Variants in NPFFR1 observed in about 807,000 individuals in gnomAD.
NPFFR1 encodes neuropeptide FF receptor 1.
NPFFR1 carries 17 observed loss-of-function variants against 12.7 expected under a neutral mutation model. The observed-to-expected ratio is 1.34, with a 90% confidence interval of 0.92 to 2.01. The LOEUF (loss-of-function observed/expected upper bound fraction) is 2.01, where lower values mean the gene tolerates loss of function less well. NPFFR1 is among the 30% of genes most tolerant of loss of function. NPFFR1 has a pLI of 0.00. For missense variants in NPFFR1, 604 were observed against 606.5 expected, an observed-to-expected ratio of 1.00 and a Z score of 0.04; for synonymous variants, 296 against 264.5, an observed-to-expected ratio of 1.12 and a Z score of -1.16.
intron 1 of NPFFR1, among the ~76,000 whole-genome samples, chr10:70,281,498 T>C (rs986542750): frequency 6.6e-6 from 1 of 152,156 alleles, no homozygotes. Flanking sequence ...ACTCCCTATA[T>C]CCAAGCTCTT....
intron 1 of NPFFR1, among the ~76,000 whole-genome samples, chr10:70,270,783 G>T (rs1589914327): frequency 6.6e-6 from 1 of 152,180 alleles, no homozygotes; most frequent in Admixed American, 6.5e-5. Context: ...GATCTGCCAG[G>T]TGCCCTTGTA....
At chr10:70,268,429 C>A (rs898301164) in intron 1 of NPFFR1, among the ~76,000 whole-genome samples, 3 of 151,804 alleles carry the variant, frequency 2.0e-5, no homozygotes, top group African/African-American at 7.3e-5. Context: ...AGCAAGATTT[C>A]TGTTTCTATT....
Position 70,254,812 on chromosome 10 carries a change from A to G in NPFFR1, c.*145T>C, listed in dbSNP as rs1022931116. 9.2e-6 allele frequency: 9 copies of G among 977,044 alleles called. No homozygotes were observed. In the Admixed American group the frequency reaches 2.4e-4, roughly 26 times the overall value. 60.5% of individuals were successfully genotyped at this position (977,044 alleles called of 1,614,324 possible). A position where few individuals can be genotyped will look rare whatever the true frequency, so the allele number is the denominator to read the frequency against. On this transcript the variant is annotated 3_prime_UTR_variant, in exon 4 of 4. Transcript: ENST00000277942. Reference sequence around the variant, plus strand: ...TGAGGGTGAAGGCAGCAGAGAAGACATCACCAGCAGCTGCCCACCACTGCC... The same window carrying G: ...TGAGGGTGAAGGCAGCAGAGAAGACGTCACCAGCAGCTGCCCACCACTGCC...
intron 1 of NPFFR1, among the ~76,000 whole-genome samples, chr10:70,280,207 C>G (rs1840844765): frequency 1.3e-5 from 2 of 152,192 alleles, no homozygotes; most frequent in Non-Finnish European, 2.9e-5. Flanking sequence ...AACATCTCTT[C>G]AAGTAACTCA....
intron 1 of NPFFR1, among the ~76,000 whole-genome samples, chr10:70,282,018 C>A (rs2894115): frequency 0.24 from 37,246 of 152,088 alleles, 5,662 homozygotes; most frequent in South Asian, 0.43. Context: ...TTATATTTCC[C>A]TTTTTTGAAA....
chr10:70,278,673 C>T (rs60559148), intron 1 of NPFFR1, among the ~76,000 whole-genome samples: 13,502 of 152,188 alleles, frequency 0.089, 687 homozygotes, highest in Middle Eastern at 0.18. Context: ...AATCAATTCA[C>T]GAGTTTTTTC....
At chr10:70,275,941 T>C (rs1589915931) in intron 1 of NPFFR1, among the ~76,000 whole-genome samples, 1 of 152,164 alleles carries the variant, frequency 6.6e-6, no homozygotes, top group African/African-American at 2.4e-5. Context: ...ACCTCCAGAT[T>C]TTGCTGGGCT....
chr10:70,272,244 G>GAAAGAGAAAGA (rs60571634), intron 1 of NPFFR1, among the ~76,000 whole-genome samples: 1 of 64,406 alleles, frequency 1.6e-5, no homozygotes, highest in Admixed American at 1.7e-4. Flanking sequence ...AAGAAAGAAA[G>GAAAGAGAAAGA]AAGAAAGAAG....
chr10:70,264,468 C>A (rs1840669334), intron 2 of NPFFR1, among the ~76,000 whole-genome samples: 1 of 149,844 alleles, frequency 6.7e-6, no homozygotes, highest in Non-Finnish European at 1.5e-5. Flanking sequence ...AAATACAAAT[C>A]AAAATAAATT....
chr10:70,269,722 G>A lies in NPFFR1; in HGVS notation c.8-3331C>T, dbSNP rs1381120454. Among the ~76,000 whole-genome samples, 4 of 152,166 alleles carry A rather than the reference G, an allele frequency of 2.6e-5. No individual in the cohort carries two copies. In the South Asian group the frequency reaches 8.3e-4, roughly 32 times the overall value. On this transcript the variant is annotated intron_variant, in intron 1 of 3. Transcript: ENST00000277942. ...GACAGTGTTTCACCATGTTGGCCAG[G>A]CTAGTCTCAAACTCCTGACCACAGG...
rs748518408 is a variant in NPFFR1, at chr10:70,247,580, C to T, written c.*7377G>A. The T allele has an allele frequency of 6.6e-6, 1 of 152,128 alleles. No individual in the cohort carries two copies. The highest frequency in any genetic ancestry group is 1.5e-5 in the Non-Finnish European group (1 of 68,040). 9.4% of individuals were successfully genotyped at this position (152,128 alleles called of 1,614,324 possible). A position where few individuals can be genotyped will look rare whatever the true frequency, so the allele number is the denominator to read the frequency against. On this transcript the variant is annotated 3_prime_UTR_variant, in exon 4 of 4. Transcript: ENST00000277942. ...GACTTGGCTGTTCTAACTTCCACAC[C>T]GAAAGGAAGACAGGGTGGTGATGGG... is the stretch of plus-strand genomic sequence containing the variant.
At chr10:70,263,758 A>G (rs573331089) in intron 2 of NPFFR1, among the ~76,000 whole-genome samples, 2 of 152,124 alleles carry the variant, frequency 1.3e-5, no homozygotes, top group South Asian at 4.1e-4. Flanking sequence ...GAATGATTCA[A>G]CCTTCTGTAT....
At position 70,254,985 on chromosome 10, in the gene NPFFR1, G is replaced by T; in HGVS notation, c.1265C>A (p.Pro422His). 1 of 1,443,764 alleles carries T rather than the reference G, an allele frequency of 6.9e-7. No homozygotes were observed. The highest frequency in any genetic ancestry group is 9.0e-7 in the Non-Finnish European group (1 of 1,105,538). The allele number at this position is 1,443,764 out of a possible 1,614,324, so 89.4% of individuals were successfully genotyped here. A position where few individuals can be genotyped will look rare whatever the true frequency, so the allele number is the denominator to read the frequency against. ...PREGPGCSHL[P>H]LTIPAWDI is the part of the protein sequence containing the mutation. ...GATATCCCAGGCTGGAATGGTGAGGGGCAGGTGGGAGCAGCCAGGCCCTTC... is the reference window on the plus strand; with the variant it reads ...GATATCCCAGGCTGGAATGGTGAGGTGCAGGTGGGAGCAGCCAGGCCCTTC... Residue 422 changes from proline (P) to histidine (H), a missense_variant, in exon 4 of 4, where the codon CCC (proline) becomes CAC (histidine). Coordinates refer to ENST00000277942, the MANE Select transcript of NPFFR1 (RefSeq NM_022146.5).
At chr10:70,256,521 G>A (rs1376373197) in intron 3 of NPFFR1, among the ~76,000 whole-genome samples, 1 of 152,226 alleles carries the variant, frequency 6.6e-6, no homozygotes, top group Non-Finnish European at 1.5e-5. Flanking sequence ...AACCTCAGGA[G>A]GTCAGATGTA....
chr10:70,257,178 T>C (rs1840581111), intron 3 of NPFFR1, among the ~76,000 whole-genome samples: 1 of 152,322 alleles, frequency 6.6e-6, no homozygotes, highest in Non-Finnish European at 1.5e-5. Context: ...GGATAATCAC[T>C]TGAGTCCAGG....
At chr10:70,262,065 A>G (rs748046898) in intron 2 of NPFFR1, among the ~76,000 whole-genome samples, 1 of 152,358 alleles carries the variant, frequency 6.6e-6, no homozygotes, top group South Asian at 2.1e-4. Flanking sequence ...GAATAATGAG[A>G]TTAGCTATCC....
chr10:70,269,484 C>T lies in NPFFR1; in HGVS notation c.8-3093G>A, dbSNP rs187561668. On this transcript the variant is annotated intron_variant, in intron 1 of 3. Coordinates refer to ENST00000277942, the MANE Select transcript of NPFFR1 (RefSeq NM_022146.5). ...TTTAACATAATATTTTCAGCAGACA[C>T]TAAGGATTATTGCCTAGACTCCCCA... Among the ~76,000 whole-genome samples, 7 of 151,530 alleles carry T rather than the reference C, an allele frequency of 4.6e-5. 1 individual carries two copies. The South Asian group carries it at 6.3e-4, about 14-fold the overall frequency.
In NPFFR1 at chr10:70,255,346, G is replaced by A. The variant is rs1320247335; in HGVS notation, c.904C>T (p.Gln302Ter). 3.2e-6 allele frequency: 5 copies of A among 1,569,160 alleles called. No individual in the cohort carries two copies. The highest frequency in any genetic ancestry group is 2.6e-6 in the Non-Finnish European group (3 of 1,161,740). ...LIDYGQLSAPQLHLVTVYAFP... is the reference protein window; with the variant it reads ...LIDYGQLSAP ...GCGTAGACGGTGACCAGGTGCAGCTGCGGCGCGCTGAGCTGCCCGTAGTCG... is the reference window on the plus strand; with the variant it reads ...GCGTAGACGGTGACCAGGTGCAGCTACGGCGCGCTGAGCTGCCCGTAGTCG... Residue 302 changes from glutamine (Q) to a stop codon, truncating the protein, a stop_gained, in exon 4 of 4, where the codon CAG becomes TAG. Coordinates refer to ENST00000277942, the MANE Select transcript of NPFFR1 (RefSeq NM_022146.5). LOFTEE classifies it low-confidence loss of function (END_TRUNC). This position sits in a 1 kb window ranked among gnomAD's most constrained non-coding sequence, Gnocchi z 4.2.
rs1840471119 is a variant in NPFFR1, at chr10:70,248,382, T to A, written c.*6575A>T. The A allele has an allele frequency of 6.6e-6, 1 of 151,292 alleles. No homozygotes were observed. 9.4% of individuals were successfully genotyped at this position (151,292 alleles called of 1,614,324 possible). ...CCTGAATCCACAAAGGTAAGTGAAA[T>A]AGACATAGTTCCTGTCCTCATGGAG... On this transcript the variant is annotated 3_prime_UTR_variant, in exon 4 of 4. Coordinates refer to ENST00000277942, the MANE Select transcript of NPFFR1 (RefSeq NM_022146.5).
Sources: allele counts gnomAD v4.1 joint callset (sites outside exome capture counted in the v4.1 genomes callset), GRCh38; gene constraint gnomAD v4.1.1; non-coding constraint Gnocchi (gnomAD v3.1); transcripts MANE v1.5; gene names NCBI Gene and HGNC (gene_info 2026-07-23, HGNC 2026-07-21).